TTC1: variants seen among roughly 807,000 people sequenced by gnomAD.
The protein encoded by TTC1 is tetratricopeptide repeat protein 1.
TTC1 carries 31 observed loss-of-function variants against 37.6 expected under a neutral mutation model. The observed-to-expected ratio is 0.82, with a 90% confidence interval of 0.62 to 1.11. TTC1 has a LOEUF of 1.11. TTC1 is among the 50% of genes most tolerant of loss of function. The pLI, the probability that TTC1 is intolerant of heterozygous loss-of-function variation, is 0.00. For missense variants in TTC1, 351 were observed against 339.0 expected (o/e 1.04, Z -0.28); for synonymous variants, 127 against 122.4 (o/e 1.04, Z -0.25).
At chr5:160,064,868 A>G (rs1194228331) in intron 7 of TTC1, 64 bp from the exon 8 acceptor site, 1 of 1,528,888 alleles carries the variant, frequency 6.5e-7, no homozygotes, top group Non-Finnish European at 8.9e-7. Context: ...AGGCAAGATT[A>G]ATTGGTACCT....
intron 2 of TTC1, among the ~76,000 whole-genome samples, chr5:160,033,472 A>G (rs1756951730): frequency 6.6e-6 from 1 of 152,206 alleles, no homozygotes; most frequent in Non-Finnish European, 1.5e-5. Context: ...CATATTGACA[A>G]ATCTTTTCCA....
chr5:160,022,938 G>C (rs1454468455), intron 2 of TTC1, among the ~76,000 whole-genome samples: 1 of 152,118 alleles, frequency 6.6e-6, no homozygotes, highest in Non-Finnish European at 1.5e-5. Context: ...TCATTCAGCA[G>C]ACATTTGTTA....
chr5:160,030,503 T>G (rs1183781692), intron 2 of TTC1, among the ~76,000 whole-genome samples: 2 of 152,214 alleles, frequency 1.3e-5, no homozygotes, highest in African/African-American at 2.4e-5. Context: ...TGAGCTGATG[T>G]ATGTGACAGC....
At chr5:160,052,745 A>G (rs978432994) in intron 7 of TTC1, among the ~76,000 whole-genome samples, 5 of 152,080 alleles carry the variant, frequency 3.3e-5, no homozygotes, top group Non-Finnish European at 5.9e-5. Context: ...TGGAATTAAA[A>G]CTTCCATTTG....
rs754003511 is a variant in TTC1, at chr5:160,010,769, A to G, written c.241A>G (p.Asn81Asp). The stretch of plus-strand genomic sequence containing the variant: ...GGAGCCAGGAGCGGACAAGGTTGAG[A>G]ACAAATCTAATGAAGATGTGAATTC... ...EEEPGADKVE[N>D]KSNEDVNSSE... is the part of the protein sequence containing the mutation. Residue 81 changes from asparagine to aspartate, a missense_variant, in exon 2 of 8, where the codon AAC becomes GAC. Physicochemically the swap from Asn to Asp is conservative, Grantham distance 23 (BLOSUM62 1). Transcript: ENST00000231238. 6 of 1,614,130 alleles carry G rather than the reference A, an allele frequency of 3.7e-6. No individual in the cohort carries two copies. Among genetic ancestry groups the G allele is most frequent in the Admixed American group, 1.7e-5 (1 of 60,008 alleles).
At chr5:160,046,137 T>C (rs1757238031) in intron 5 of TTC1, among the ~76,000 whole-genome samples, 2 of 152,230 alleles carry the variant, frequency 1.3e-5, no homozygotes, top group South Asian at 4.1e-4. Flanking sequence ...AATAATTGTC[T>C]ATACTTGGCT....
At chr5:160,064,908 TG>T in intron 7 of TTC1, 23 bp from the exon 8 acceptor site, 1 of 1,603,362 alleles carries the variant, frequency 6.2e-7, no homozygotes, top group South Asian at 1.1e-5. Flanking sequence ...TGTATTCATT[TG>T]AGTTTTTGCT....
chr5:160,065,054 A>C lies in TTC1; in HGVS notation c.868A>C (p.Asn290His). The change falls in exon 8 of 8, where the codon AAT becomes CAT. Residue 290 changes from asparagine (N) to histidine (H), a missense_variant. Physicochemically the swap from Asn to His is moderately conservative, Grantham distance 68 (BLOSUM62 1). Coordinates refer to ENST00000231238, the MANE Select transcript of TTC1 (RefSeq NM_003314.3). The stretch of plus-strand genomic sequence containing the variant: ...CATCAATTTCGTTCAAAATCCAAAT[A>C]ATAACAGATAACAAAGATAACAAAA... ...YSINFVQNPN[N>H]NR 6.2e-7 allele frequency: 1 copy of C among 1,610,350 alleles called. No individual in the cohort carries two copies. Among genetic ancestry groups the C allele is most frequent in the Non-Finnish European group, 8.5e-7 (1 of 1,179,304 alleles).
At chr5:160,037,837 G>A (rs1186185084) in intron 4 of TTC1, among the ~76,000 whole-genome samples, 2 of 148,380 alleles carry the variant, frequency 1.3e-5, no homozygotes, top group Non-Finnish European at 3.0e-5. Flanking sequence ...TACATCCAAA[G>A]TACAAAGGAT....
At chr5:160,064,212 A>T (rs1217674198) in intron 7 of TTC1, among the ~76,000 whole-genome samples, 1 of 151,376 alleles carries the variant, frequency 6.6e-6, no homozygotes. Flanking sequence ...CAGGTGATCC[A>T]CCCATCTCGG....
intron 2 of TTC1, among the ~76,000 whole-genome samples, chr5:160,016,535 A>G (rs1360538705): frequency 6.6e-6 from 1 of 152,216 alleles, no homozygotes; most frequent in Non-Finnish European, 1.5e-5. Context: ...TATACATACA[A>G]ATTTGAAGGA....
At chr5:160,011,783 T>C (rs1360583885) in intron 2 of TTC1, among the ~76,000 whole-genome samples, 2 of 152,184 alleles carry the variant, frequency 1.3e-5, no homozygotes, top group Non-Finnish European at 1.5e-5. Context: ...CTTGAGTTTG[T>C]CTACAAAGAA....
At chr5:160,031,556 G>A (rs1756909460) in intron 2 of TTC1, among the ~76,000 whole-genome samples, 1 of 152,136 alleles carries the variant, frequency 6.6e-6, no homozygotes, top group Non-Finnish European at 1.5e-5. Flanking sequence ...AGAGGTTGCA[G>A]TGAGCCAAGA....
chr5:160,046,486 CT>C (rs1409787474), intron 5 of TTC1, among the ~76,000 whole-genome samples: 3 of 151,400 alleles, frequency 2.0e-5, no homozygotes, highest in Non-Finnish European at 4.4e-5. Flanking sequence ...GGACCCTCTT[CT>C]TTTTTTTTCC....
intron 5 of TTC1, among the ~76,000 whole-genome samples, chr5:160,045,666 A>G (rs1757222995): frequency 6.6e-6 from 1 of 151,746 alleles, no homozygotes; most frequent in Non-Finnish European, 1.5e-5. Context: ...GTTTAAGTTC[A>G]TTCTCACCTC....
intron 2 of TTC1, among the ~76,000 whole-genome samples, chr5:160,011,175 G>A (rs1346374582): frequency 6.6e-6 from 1 of 152,092 alleles, no homozygotes; most frequent in Admixed American, 6.6e-5. Flanking sequence ...TTTCTGTTAT[G>A]AACTTTTCTA....
intron 5 of TTC1, among the ~76,000 whole-genome samples, chr5:160,048,082 G>A (rs982648347): frequency 7.5e-6 from 1 of 133,880 alleles, no homozygotes; most frequent in African/African-American, 2.8e-5. Flanking sequence ...AAAAATTAAG[G>A]ATAGATTATG....
intron 5 of TTC1, among the ~76,000 whole-genome samples, chr5:160,048,502 G>A (rs1757316932): frequency 6.6e-6 from 1 of 152,122 alleles, no homozygotes; most frequent in African/African-American, 2.4e-5. Context: ...GAAATTAGAA[G>A]AAATGCAGTA....
chr5:160,056,466 G>A lies in TTC1; in HGVS notation c.745+5283G>A, dbSNP rs56406360. Among the ~76,000 whole-genome samples the A allele has an allele frequency of 7.1e-3, 1,087 of 152,282 alleles. 22 individuals carry two copies. The highest frequency in any genetic ancestry group is 0.025 in the African/African-American group (1,032 of 41,554). ...GCCTATAATCCTGGCACATTGGGAGGCCTATGTAAGAAGATCACTTGAGCC... is the reference window on the plus strand; with the variant it reads ...GCCTATAATCCTGGCACATTGGGAGACCTATGTAAGAAGATCACTTGAGCC... On this transcript the variant is annotated intron_variant, in intron 7 of 7. Coordinates refer to ENST00000231238, the MANE Select transcript of TTC1 (RefSeq NM_003314.3).
Sources: gnomAD v4.1 joint callset for allele counts (sites outside exome capture counted in the v4.1 genomes callset) on GRCh38, gnomAD v4.1.1 for gene constraint, MANE v1.5 for transcripts, NCBI Gene and HGNC (gene_info 2026-07-23, HGNC 2026-07-21) for gene names.